Variants in EFHC2 observed in about 807,000 individuals in gnomAD.
The protein encoded by EFHC2 is EF-hand domain-containing family member C2.
Under a neutral mutation model 52.7 loss-of-function variants are expected in EFHC2, and 18 were observed. The ratio of observed to expected loss-of-function variants is 0.34; its 90% CI spans 0.24 to 0.51. The LOEUF is 0.51. EFHC2 is among the 20% of genes least tolerant of loss of function. EFHC2 has a pLI of 0.97. For missense variants in EFHC2, 513 were observed against 562.5 expected (o/e 0.91, Z 0.89); for synonymous variants, 203 against 204.1 (o/e 0.99, Z 0.04).
intron 1 of EFHC2, among the ~76,000 whole-genome samples, chrX:44,330,470 C>G (rs1174283570): frequency 1.8e-5 from 2 of 111,647 alleles, no homozygotes. Context: ...TCTCAAAGGA[C>G]TAGTATTCAG....
Position 44,190,608 on chromosome X carries a change from G to A in EFHC2, c.1752-12044C>T, listed in dbSNP as rs151139528. Reference sequence around the variant, plus strand: ...TGTATTGTTACCATTACCTTATATTGATTGCTTCTTGTCTTTTGCAATACA... The same window carrying A: ...TGTATTGTTACCATTACCTTATATTAATTGCTTCTTGTCTTTTGCAATACA... On this transcript the variant is annotated intron_variant, in intron 11 of 14. Coordinates refer to ENST00000420999, the MANE Select transcript of EFHC2 (RefSeq NM_025184.4). Among the ~76,000 whole-genome samples, 292 of 110,140 alleles carry A rather than the reference G, an allele frequency of 2.7e-3. 1 individual carries two copies. Among genetic ancestry groups the A allele is most frequent in the African/African-American group, 9.1e-3 (274 of 30,208 alleles).
In EFHC2 at chrX:44,209,897, C is replaced by T. The variant is rs767818608; in HGVS notation, c.1751+19752G>A. On this transcript the variant is annotated intron_variant, in intron 11 of 14. Coordinates refer to ENST00000420999, the MANE Select transcript of EFHC2 (RefSeq NM_025184.4). ...GTGCATGCGAGGGATCTAGGTTGCA[C>T]GCTACTTATGAGAATCCAATGCCTG... Among the ~76,000 whole-genome samples the T allele has an allele frequency of 6.3e-5, 7 of 110,361 alleles. 1 individual carries two copies. The South Asian group carries it at 1.2e-3, about 19-fold the overall frequency.
chrX:44,221,061 T>C (rs1052985910), intron 11 of EFHC2, among the ~76,000 whole-genome samples: 1 of 112,125 alleles, frequency 8.9e-6, no homozygotes, highest in African/African-American at 3.2e-5. Flanking sequence ...TCAGTTTGTG[T>C]CATTATTGGG....
At chrX:44,310,411 C>T (rs2037939699) in intron 2 of EFHC2, 2 of 997,618 alleles carry the variant, frequency 2.0e-6, no homozygotes, top group Admixed American at 3.0e-5. Context: ...TGAGCCCCTT[C>T]AGCGGCGAGA....
At chrX:44,326,371 G>T (rs952168628) in intron 1 of EFHC2, among the ~76,000 whole-genome samples, 1 of 111,134 alleles carries the variant, frequency 9.0e-6, no homozygotes, top group Non-Finnish European at 1.9e-5. Context: ...TTTTCAAAAA[G>T]CTAGAAGAGA....
intron 11 of EFHC2, among the ~76,000 whole-genome samples, chrX:44,218,344 CAA>C (rs2037167626): frequency 9.1e-6 from 1 of 109,514 alleles, no homozygotes; most frequent in Admixed American, 9.7e-5. Flanking sequence ...TTTTAACAGT[CAA>C]AACTATACCA....
At chrX:44,337,645 T>C (rs1307337192) in intron 1 of EFHC2, among the ~76,000 whole-genome samples, 1 of 112,469 alleles carries the variant, frequency 8.9e-6, no homozygotes. Context: ...AAAATGAAAT[T>C]GATATGTGCT....
Position 44,227,179 on chromosome X carries a change from T to TAC in EFHC2, c.1751+2468_1751+2469dup, listed in dbSNP as rs1556008374. On this transcript the variant is annotated intron_variant, in intron 11 of 14. Coordinates refer to ENST00000420999, the MANE Select transcript of EFHC2 (RefSeq NM_025184.4). ...TATATTCTGATGAGGAGAGTCAGAA[T>TAC]ACACACACACACACAAACACACACA... Among the ~76,000 whole-genome samples the TAC allele has an allele frequency of 9.1e-5, 10 of 110,195 alleles. No individual in the cohort carries two copies. In the South Asian group the frequency reaches 1.2e-3, roughly 13 times the overall value.
At chrX:44,254,772 A>G (rs966067454) in intron 4 of EFHC2, among the ~76,000 whole-genome samples, 1 of 111,862 alleles carries the variant, frequency 8.9e-6, no homozygotes, top group Non-Finnish European at 1.9e-5. Flanking sequence ...AATACAGAGG[A>G]AACCACAAAG....
At chrX:44,304,186 CT>C (rs1298681573) in intron 2 of EFHC2, among the ~76,000 whole-genome samples, 1 of 105,887 alleles carries the variant, frequency 9.4e-6, no homozygotes, top group East Asian at 2.8e-4. Flanking sequence ...TAGTGGGTGC[CT>C]GATGTAATTA....
chrX:44,308,846 G>T (rs779598048), intron 2 of EFHC2, among the ~76,000 whole-genome samples: 2 of 112,973 alleles, frequency 1.8e-5, no homozygotes, highest in South Asian at 3.6e-4. Flanking sequence ...GTGGTCAGGA[G>T]AATGCTTTGT....
chrX:44,298,413 G>GCT (rs1417535979), intron 2 of EFHC2, among the ~76,000 whole-genome samples: 5 of 111,816 alleles, frequency 4.5e-5, no homozygotes, highest in Non-Finnish European at 9.4e-5. Flanking sequence ...GAAAGACTAA[G>GCT]CTATGGTGAT....
chrX:44,300,442 A>T (rs987677361), intron 2 of EFHC2, among the ~76,000 whole-genome samples: 1 of 111,466 alleles, frequency 9.0e-6, no homozygotes, highest in Non-Finnish European at 1.9e-5. Context: ...TTTCTGTTTA[A>T]GCCACCCAGT....
chrX:44,251,941 T>C (rs1264029561), intron 4 of EFHC2, among the ~76,000 whole-genome samples: 2 of 111,758 alleles, frequency 1.8e-5, no homozygotes, highest in Non-Finnish European at 3.8e-5. Flanking sequence ...TAATTATATC[T>C]CAACCAAATA....
chrX:44,178,361 G>C lies in EFHC2; in HGVS notation c.1949+6C>G, dbSNP rs766090597. The C allele has an allele frequency of 8.6e-7, 1 of 1,161,774 alleles. No individual in the cohort carries two copies. Among genetic ancestry groups the C allele is most frequent in the African/African-American group, 1.8e-5 (1 of 56,538 alleles). On this transcript the variant is annotated splice_donor_region_variant and intron_variant, in intron 12 of 14. Coordinates refer to ENST00000420999, the MANE Select transcript of EFHC2 (RefSeq NM_025184.4). ...AATGATTAGAATCAATAAAACAAAA[G>C]CTTACTTTTCTCGATCTTCATACAC...
At chrX:44,275,712 G>A (rs769476710) in intron 2 of EFHC2, among the ~76,000 whole-genome samples, 1 of 107,771 alleles carries the variant, frequency 9.3e-6, no homozygotes, top group East Asian at 2.9e-4. Context: ...TCAGGGGTTC[G>A]AGACCAGCCT....
At chrX:44,248,950 A>T in intron 5 of EFHC2, 34 bp from the exon 6 acceptor site, 1 of 1,027,016 alleles carries the variant, frequency 9.7e-7, no homozygotes, top group Non-Finnish European at 1.3e-6. Context: ...ATGTGGTAGG[A>T]TTTAATCCAT....
chrX:44,182,483 G>A (rs927492039), intron 11 of EFHC2, among the ~76,000 whole-genome samples: 2 of 111,974 alleles, frequency 1.8e-5, no homozygotes, highest in African/African-American at 6.5e-5. Flanking sequence ...TCAGTCACAG[G>A]TAAGTCTGTT....
At chrX:44,298,109 T>G (rs1000954018) in intron 2 of EFHC2, among the ~76,000 whole-genome samples, 2 of 110,842 alleles carry the variant, frequency 1.8e-5, no homozygotes, top group Admixed American at 9.6e-5. Flanking sequence ...CTTTGAATAA[T>G]GTGGTGTTAT....
Sources: gnomAD v4.1 joint callset for allele counts (sites outside exome capture counted in the v4.1 genomes callset) on GRCh38, gnomAD v4.1.1 for gene constraint, MANE v1.5 for transcripts, NCBI Gene and HGNC (gene_info 2026-07-23, HGNC 2026-07-21) for gene names.